KCNK10: variants seen among roughly 807,000 people sequenced by gnomAD.
KCNK10 encodes potassium channel subfamily K member 10.
Under a neutral mutation model 47.7 loss-of-function variants are expected in KCNK10, and 25 were observed. That is an observed-to-expected ratio of 0.52 (90% CI 0.38 to 0.73). The LOEUF (loss-of-function observed/expected upper bound fraction) is 0.73, where lower values mean the gene tolerates loss of function less well. Ranked by LOEUF, KCNK10 falls within the 30% of genes least tolerant of loss-of-function variation. The pLI, the probability that KCNK10 is intolerant of heterozygous loss-of-function variation, is 0.00. For missense variants in KCNK10, 563 were observed against 714.5 expected (o/e 0.79, Z 2.42); for synonymous variants, 303 against 285.6 (o/e 1.06, Z -0.61).
At chr14:88,205,549 T>C (rs1595079852) in intron 4 of KCNK10, among the ~76,000 whole-genome samples, 1 of 142,538 alleles carries the variant, frequency 7.0e-6, no homozygotes, top group African/African-American at 2.6e-5. Context: ...TTTCTTTTTT[T>C]TTTTTTTTTT....
At chr14:88,245,990 C>G (rs1886627070) in intron 2 of KCNK10, among the ~76,000 whole-genome samples, 1 of 152,112 alleles carries the variant, frequency 6.6e-6, no homozygotes, top group Non-Finnish European at 1.5e-5. Context: ...GCACAGTCAG[C>G]AAAGGGATTA....
At chr14:88,230,379 C>G (rs887548092) in intron 3 of KCNK10, among the ~76,000 whole-genome samples, 17 of 152,188 alleles carry the variant, frequency 1.1e-4, no homozygotes, top group African/African-American at 4.1e-4. Context: ...CTGTAATGAA[C>G]GCACAGCACC....
Position 88,290,883 on chromosome 14 carries a change from T to C in KCNK10, c.53-27332A>G, listed in dbSNP as rs924078372. On this transcript the variant is annotated intron_variant, in intron 1 of 6. Coordinates refer to ENST00000319231, the MANE Select transcript of KCNK10 (RefSeq NM_138317.3). The stretch of plus-strand genomic sequence containing the variant: ...ATTCACAAAAAAAAGGCACCCACCA[T>C]GCAAGTTGTGCAGAAGCAAAGCATT... Among the ~76,000 whole-genome samples, 4 of 152,222 alleles carry C rather than the reference T, an allele frequency of 2.6e-5. No homozygotes were observed. In the South Asian group the frequency reaches 6.2e-4, roughly 24 times the overall value.
intron 4 of KCNK10, among the ~76,000 whole-genome samples, chr14:88,200,368 T>A (rs751970319): frequency 6.6e-6 from 1 of 152,060 alleles, no homozygotes; most frequent in Non-Finnish European, 1.5e-5. Flanking sequence ...AGAAAAAAAT[T>A]GGGGTACAGA....
intron 4 of KCNK10, among the ~76,000 whole-genome samples, chr14:88,197,805 CGAGGGAAGGAGG>C (rs1884967613): frequency 7.4e-6 from 1 of 135,556 alleles, no homozygotes; most frequent in Non-Finnish European, 1.5e-5. Context: ...CATGGCAGTT[CGAGGGAAGGAGG>C]GAGGGAAGGA....
intron 1 of KCNK10, among the ~76,000 whole-genome samples, chr14:88,305,082 C>T (rs1888179260): frequency 6.6e-6 from 1 of 151,938 alleles, no homozygotes; most frequent in Non-Finnish European, 1.5e-5. Context: ...GCCTGTAGTC[C>T]CAGCTACTCG....
At chr14:88,266,175 G>A (rs1020967630) in intron 1 of KCNK10, among the ~76,000 whole-genome samples, 6 of 152,118 alleles carry the variant, frequency 3.9e-5, no homozygotes, top group African/African-American at 1.4e-4. Flanking sequence ...CAATGATGGT[G>A]GAATAAGTGA....
intron 1 of KCNK10, among the ~76,000 whole-genome samples, chr14:88,274,981 C>T (rs1595118291): frequency 6.6e-6 from 1 of 152,232 alleles, no homozygotes; most frequent in East Asian, 1.9e-4. Context: ...TTCCCCTCAC[C>T]CCTACCCCAA....
intron 2 of KCNK10, among the ~76,000 whole-genome samples, chr14:88,246,283 A>G (rs1350638600): frequency 6.6e-6 from 1 of 151,510 alleles, no homozygotes; most frequent in Non-Finnish European, 1.5e-5. Flanking sequence ...AAAAAAAAAA[A>G]AAAAGGGAGC....
At chr14:88,324,123 C>G (rs945827516), upstream of KCNK10, among the ~76,000 whole-genome samples, 1 of 152,360 alleles carries the variant, frequency 6.6e-6, no homozygotes. Flanking sequence ...TGCCAAGACC[C>G]GGCAGCTCCC....
chr14:88,281,726 CCATATAT>C (rs1566713687), intron 1 of KCNK10, among the ~76,000 whole-genome samples: 6 of 90,666 alleles, frequency 6.6e-5, no homozygotes, highest in African/African-American at 2.4e-4. Flanking sequence ...CTCTCTCTCT[CCATATAT>C]ATATATATAT....
At chr14:88,189,171 G>C (rs1188858132) in intron 5 of KCNK10, among the ~76,000 whole-genome samples, 2 of 152,182 alleles carry the variant, frequency 1.3e-5, no homozygotes, top group South Asian at 2.1e-4. Context: ...AAGGCAGCTG[G>C]GCAAGAAATG....
At chr14:88,235,292 T>G (rs1323610665) in intron 3 of KCNK10, 1 of 455,066 alleles carries the variant, frequency 2.2e-6, no homozygotes, top group Non-Finnish European at 4.4e-6. Context: ...GGCCAGGTAT[T>G]TTAAAAAGAA....
Position 88,181,058 on chromosome 14 carries a change from A to T in KCNK10, c.*4477T>A. The T allele has an allele frequency of 2.6e-6, 1 of 382,616 alleles. No homozygotes were observed. The highest frequency in any genetic ancestry group is 4.6e-6 in the Non-Finnish European group (1 of 216,456). 23.7% of individuals were successfully genotyped at this position (382,616 alleles called of 1,614,324 possible). A position where few individuals can be genotyped will look rare whatever the true frequency, so the allele number is the denominator to read the frequency against. ...AAAATGCAACAAGCAGAGATGTGGA[A>T]TGCAACACTGGCTGGTTTTTCCTTT... On this transcript the variant is annotated 3_prime_UTR_variant, in exon 7 of 7. Coordinates refer to ENST00000319231, the MANE Select transcript of KCNK10 (RefSeq NM_138317.3).
chr14:88,252,969 G>A (rs1234682746), intron 2 of KCNK10, among the ~76,000 whole-genome samples: 5 of 152,162 alleles, frequency 3.3e-5, no homozygotes, highest in African/African-American at 7.2e-5. Context: ...TAAGCCCACC[G>A]TGTCAAGCCA....
upstream of KCNK10, among the ~76,000 whole-genome samples, chr14:88,324,537 C>A (rs1474146228): frequency 6.6e-6 from 1 of 152,188 alleles, no homozygotes; most frequent in African/African-American, 2.4e-5. Flanking sequence ...ATATATTGAA[C>A]CCCTTCCAAG....
At chr14:88,242,125 A>T (rs1886496206) in intron 2 of KCNK10, among the ~76,000 whole-genome samples, 1 of 152,240 alleles carries the variant, frequency 6.6e-6, no homozygotes. Flanking sequence ...GCAAGACACA[A>T]ATATTGAAAC....
chr14:88,223,324 T>G (rs1383376840), intron 4 of KCNK10, among the ~76,000 whole-genome samples: 2 of 150,394 alleles, frequency 1.3e-5, no homozygotes, highest in African/African-American at 2.4e-5. Context: ...TTTTTTTTTT[T>G]GCTTTACCTC....
At chr14:88,291,475 A>G (rs1231576881) in intron 1 of KCNK10, among the ~76,000 whole-genome samples, 1 of 152,246 alleles carries the variant, frequency 6.6e-6, no homozygotes, top group Non-Finnish European at 1.5e-5. Flanking sequence ...TTAGCAGAAA[A>G]GAACACATAG....
Sources: allele counts gnomAD v4.1 joint callset (sites outside exome capture counted in the v4.1 genomes callset), GRCh38; gene constraint gnomAD v4.1.1; transcripts MANE v1.5; gene names NCBI Gene and HGNC (gene_info 2026-07-23, HGNC 2026-07-21).